NKAIN3: variants seen among roughly 807,000 people sequenced by gnomAD.
NKAIN3 encodes sodium/potassium-transporting ATPase subunit beta-1-interacting protein 3.
A neutral mutation model predicts 30.2 loss-of-function variants in NKAIN3; 25 were observed. The ratio of observed to expected loss-of-function variants is 0.83; its 90% CI spans 0.60 to 1.16. NKAIN3 has a LOEUF of 1.16. Among genes scored for constraint, NKAIN3 ranks in the 50% most tolerant of loss-of-function variants. The pLI, the probability that NKAIN3 is intolerant of heterozygous loss-of-function variation, is 0.00. For synonymous variants in NKAIN3, 91 were observed against 89.6 expected, an observed-to-expected ratio of 1.02 and a Z score of -0.09; for missense variants, 225 against 254.1, an observed-to-expected ratio of 0.89 and a Z score of 0.78.
intron 1 of NKAIN3, among the ~76,000 whole-genome samples, chr8:62,331,617 A>G (rs981895594): frequency 5.3e-5 from 8 of 152,182 alleles, no homozygotes; most frequent in Non-Finnish European, 1.2e-4. Context: ...TATCTTCTTT[A>G]AGAGTTAGAA....
chr8:62,504,000 A>G (rs1807550051), intron 1 of NKAIN3, among the ~76,000 whole-genome samples: 1 of 152,202 alleles, frequency 6.6e-6, no homozygotes, highest in Non-Finnish European at 1.5e-5. Flanking sequence ...TAAGAGTATT[A>G]TTAGGGAAGT....
chr8:62,805,647 T>C (rs1417446098), intron 4 of NKAIN3, among the ~76,000 whole-genome samples: 8 of 152,142 alleles, frequency 5.3e-5, no homozygotes, highest in African/African-American at 1.9e-4. Context: ...ATACAAAAAT[T>C]AATTCACGAT....
chr8:62,728,410 C>G (rs374771001), intron 3 of NKAIN3, among the ~76,000 whole-genome samples: 11 of 152,310 alleles, frequency 7.2e-5, no homozygotes, highest in South Asian at 4.1e-4. Context: ...CACCTGTAAT[C>G]CCAGCACTTT....
intron 5 of NKAIN3, among the ~76,000 whole-genome samples, chr8:62,943,770 T>C (rs933991809): frequency 6.8e-6 from 1 of 147,894 alleles, no homozygotes; most frequent in Non-Finnish European, 1.5e-5. Context: ...TATTATATTA[T>C]ATATGGTATA....
intron 3 of NKAIN3, among the ~76,000 whole-genome samples, chr8:62,728,503 A>T (rs923936251): frequency 1.1e-4 from 12 of 110,794 alleles, no homozygotes; most frequent in African/African-American, 3.4e-4. Flanking sequence ...TCTCTACTAA[A>T]AAATACAAAA....
chr8:62,551,244 G>A (rs17835036), intron 1 of NKAIN3, among the ~76,000 whole-genome samples: 61,287 of 151,904 alleles, frequency 0.4, 13,242 homozygotes, highest in Non-Finnish European at 0.5. Flanking sequence ...GAGGAACAGC[G>A]GGAAGGAAAG....
At chr8:62,291,217 GT>G (rs938358349) in intron 1 of NKAIN3, among the ~76,000 whole-genome samples, 2 of 151,970 alleles carry the variant, frequency 1.3e-5, no homozygotes, top group African/African-American at 4.8e-5. Flanking sequence ...TTTTCGAAGG[GT>G]TTTTGTGTCT....
intron 1 of NKAIN3, among the ~76,000 whole-genome samples, chr8:62,318,774 G>A (rs1421218672): frequency 6.6e-6 from 1 of 152,114 alleles, no homozygotes; most frequent in Non-Finnish European, 1.5e-5. Context: ...TATTCATCAG[G>A]GATGTTGGTC....
At chr8:62,929,222 T>A (rs1242386783) in intron 5 of NKAIN3, among the ~76,000 whole-genome samples, 1 of 152,176 alleles carries the variant, frequency 6.6e-6, no homozygotes, top group Non-Finnish European at 1.5e-5. Context: ...TTCCCTGACC[T>A]GCTGACTCTC....
At chr8:62,946,379 G>T (rs578005949) in intron 5 of NKAIN3, among the ~76,000 whole-genome samples, 2 of 152,190 alleles carry the variant, frequency 1.3e-5, no homozygotes, top group African/African-American at 4.8e-5. Context: ...TGGCACAGCA[G>T]GCCGTGCCTA....
At chr8:62,879,999 G>A (rs557127268) in intron 4 of NKAIN3, among the ~76,000 whole-genome samples, 26 of 152,242 alleles carry the variant, frequency 1.7e-4, no homozygotes, top group African/African-American at 5.8e-4. Context: ...ATGAAGAGGT[G>A]GCAGAAGCTG....
chr8:62,304,465 T>TG (rs1364044654), intron 1 of NKAIN3, among the ~76,000 whole-genome samples: 1 of 150,438 alleles, frequency 6.6e-6, no homozygotes, highest in African/African-American at 2.5e-5. Flanking sequence ...ATAGACATTT[T>TG]GGGGGAATAA....
At chr8:62,554,853 CT>C (rs1356219146) in intron 1 of NKAIN3, among the ~76,000 whole-genome samples, 2 of 152,124 alleles carry the variant, frequency 1.3e-5, no homozygotes, top group African/African-American at 4.8e-5. Flanking sequence ...ACTTCCACCC[CT>C]GATAACCATC....
chr8:62,638,499 T>G (rs756081699), intron 3 of NKAIN3, among the ~76,000 whole-genome samples: 6 of 152,140 alleles, frequency 3.9e-5, no homozygotes, highest in Non-Finnish European at 7.4e-5. Context: ...ATCTTCTGTA[T>G]TATCTTGGCA....
At chr8:62,344,125 G>A (rs1815845335) in intron 1 of NKAIN3, among the ~76,000 whole-genome samples, 1 of 151,952 alleles carries the variant, frequency 6.6e-6, no homozygotes, top group African/African-American at 2.4e-5. Flanking sequence ...GAGGGTTATT[G>A]TGGCTTCTGG....
chr8:62,736,534 C>T (rs185215839), intron 3 of NKAIN3, among the ~76,000 whole-genome samples: 26 of 152,274 alleles, frequency 1.7e-4, no homozygotes, highest in African/African-American at 6.3e-4. Flanking sequence ...ACCATGTCAC[C>T]GTGCCCACGC....
At chr8:62,429,213 C>T (rs946639321) in intron 1 of NKAIN3, among the ~76,000 whole-genome samples, 1 of 151,852 alleles carries the variant, frequency 6.6e-6, no homozygotes, top group South Asian at 2.1e-4. Flanking sequence ...ATACTTGTCT[C>T]GTTCCATTCA....
chr8:62,318,365 G>C (rs540625708), intron 1 of NKAIN3, among the ~76,000 whole-genome samples: 2 of 152,176 alleles, frequency 1.3e-5, no homozygotes, highest in African/African-American at 4.8e-5. Flanking sequence ...GGGCATCCCT[G>C]TCTTGTGCCA....
intron 4 of NKAIN3, among the ~76,000 whole-genome samples, chr8:62,804,954 C>T (rs1432602099): frequency 6.6e-6 from 1 of 152,186 alleles, no homozygotes; most frequent in Non-Finnish European, 1.5e-5. Context: ...TCAGCAAAGT[C>T]TCAGGATACA....
Sources: allele counts gnomAD v4.1 joint callset (sites outside exome capture counted in the v4.1 genomes callset), GRCh38; gene constraint gnomAD v4.1.1; transcripts MANE v1.5; gene names NCBI Gene and HGNC (gene_info 2026-07-23, HGNC 2026-07-21).